PRKD1: variants seen among roughly 807,000 people sequenced by gnomAD.
The protein encoded by PRKD1 is protein kinase D1, also known as serine/threonine-protein kinase D1.
In PRKD1, 63 loss-of-function variants were observed where a neutral mutation model predicts 95.9. The observed-to-expected ratio is 0.66, with a 90% CI of 0.54 to 0.81. The LOEUF is 0.81. Ranked by LOEUF, PRKD1 falls within the 30% of genes least tolerant of loss-of-function variation. The pLI is 0.00. For synonymous variants in PRKD1, 425 were observed against 423.1 expected (o/e 1.00, Z -0.05); for missense variants, 1,048 against 1,165.3 (o/e 0.90, Z 1.47).
chr14:29,883,768 C>T (rs891539788), intron 1 of PRKD1, among the ~76,000 whole-genome samples: 3 of 151,996 alleles, frequency 2.0e-5, no homozygotes, highest in African/African-American at 7.3e-5. Context: ...CCAGAGACCC[C>T]CAAGATTGGA....
At chr14:29,832,848 G>A (rs1040460375) in intron 1 of PRKD1, among the ~76,000 whole-genome samples, 18 of 151,872 alleles carry the variant, frequency 1.2e-4, no homozygotes, top group Non-Finnish European at 2.4e-4. Context: ...TCCCAGTGAC[G>A]TACTAGTATA....
At chr14:29,693,034 T>C (rs1182687323) in intron 2 of PRKD1, among the ~76,000 whole-genome samples, 1 of 149,114 alleles carries the variant, frequency 6.7e-6, no homozygotes, top group Non-Finnish European at 1.5e-5. Context: ...GCGTGATGTA[T>C]TTTAAAATCT....
chr14:29,773,523 T>C (rs1442177472), intron 1 of PRKD1, among the ~76,000 whole-genome samples: 1 of 151,238 alleles, frequency 6.6e-6, no homozygotes, highest in Non-Finnish European at 1.5e-5. Context: ...GGTATACACA[T>C]ATGACTCTAC....
chr14:29,814,446 G>C (rs1890612459), intron 1 of PRKD1, among the ~76,000 whole-genome samples: 1 of 152,164 alleles, frequency 6.6e-6, no homozygotes, highest in Non-Finnish European at 1.5e-5. Context: ...CCCTAGTTCT[G>C]TTCCAACAGT....
intron 2 of PRKD1, among the ~76,000 whole-genome samples, chr14:29,717,270 G>C (rs1885656529): frequency 6.6e-6 from 1 of 152,104 alleles, no homozygotes; most frequent in African/African-American, 2.4e-5. Context: ...GAAATGTGTA[G>C]TGCAGTGGGG....
intron 1 of PRKD1, among the ~76,000 whole-genome samples, chr14:29,804,883 C>A (rs2139227520): frequency 6.6e-6 from 1 of 152,170 alleles, no homozygotes; most frequent in East Asian, 1.9e-4. Flanking sequence ...ATAACAATTA[C>A]ACCCAAGAGA....
chr14:29,606,778 T>C (rs55912007), intron 13 of PRKD1, among the ~76,000 whole-genome samples: 2 of 152,200 alleles, frequency 1.3e-5, no homozygotes, highest in Admixed American at 6.5e-5. Flanking sequence ...ATGACCACTG[T>C]ACCTCTTTTA....
At chr14:29,603,916 GT>G (rs1893611207) in intron 13 of PRKD1, among the ~76,000 whole-genome samples, 1 of 152,076 alleles carries the variant, frequency 6.6e-6, no homozygotes, top group Non-Finnish European at 1.5e-5. Context: ...AAAAAATAGT[GT>G]CCATTCACAC....
intron 1 of PRKD1, among the ~76,000 whole-genome samples, chr14:29,744,014 A>G (rs1025755212): frequency 6.6e-6 from 1 of 152,124 alleles, no homozygotes; most frequent in Admixed American, 6.5e-5. Context: ...CACTCTTCAG[A>G]AAGTTTATTT....
At chr14:29,665,939 A>C in intron 3 of PRKD1, 138 bp downstream of exon 3, 1 of 895,298 alleles carries the variant, frequency 1.1e-6, no homozygotes, top group Non-Finnish European at 1.6e-6. Flanking sequence ...ATATATGTAT[A>C]TATGTACCAC....
At chr14:29,837,494 C>T (rs1891656814) in intron 1 of PRKD1, among the ~76,000 whole-genome samples, 1 of 152,054 alleles carries the variant, frequency 6.6e-6, no homozygotes, top group South Asian at 2.1e-4. Flanking sequence ...GTAATCACAT[C>T]CATTTGTAAA....
rs1237857767 is a variant in PRKD1, at chr14:29,850,908, C to T, written c.264+76341G>A. 2.1e-5 allele frequency among the ~76,000 whole-genome samples: 3 copies of T among 145,796 alleles called. No individual in the cohort carries two copies. In the South Asian group the frequency reaches 6.5e-4, roughly 32 times the overall value. On this transcript the variant is annotated intron_variant, in intron 1 of 17. Transcript: ENST00000331968. ...GACAAAAAAAAATTAAAAAAAAAAA[C>T]CAATGGGACAGAATAGAGGACCCAG...
intron 13 of PRKD1, among the ~76,000 whole-genome samples, chr14:29,609,834 C>T (rs533680079): frequency 6.6e-6 from 1 of 150,950 alleles, no homozygotes; most frequent in South Asian, 2.1e-4. Context: ...GCTGAAATTA[C>T]AGGCATAAGC....
chr14:29,757,072 T>A (rs1236082005), intron 1 of PRKD1, among the ~76,000 whole-genome samples: 1 of 152,218 alleles, frequency 6.6e-6, no homozygotes, highest in Non-Finnish European at 1.5e-5. Context: ...AATTGTACTA[T>A]GGGTTAAATG....
intron 2 of PRKD1, among the ~76,000 whole-genome samples, chr14:29,681,469 A>C (rs1883537573): frequency 6.6e-6 from 1 of 152,140 alleles, no homozygotes; most frequent in South Asian, 2.1e-4. Flanking sequence ...ATGTGTTTCC[A>C]TAACTGAGAT....
At chr14:29,919,992 G>GAGAGAGAGAGAGA (rs200608178) in intron 1 of PRKD1, among the ~76,000 whole-genome samples, 60 of 146,452 alleles carry the variant, frequency 4.1e-4, no homozygotes, top group African/African-American at 1.5e-3. Flanking sequence ...GAGAAAGAGA[G>GAGAGAGAGAGAGA]GAAGGAAGGT....
intron 2 of PRKD1, among the ~76,000 whole-genome samples, chr14:29,680,937 A>G (rs1883506522): frequency 6.6e-6 from 1 of 152,222 alleles, no homozygotes; most frequent in East Asian, 1.9e-4. Flanking sequence ...AGGTAAAGAA[A>G]GAGGAAAGCC....
At chr14:29,659,632 T>C (rs1411684860) in intron 4 of PRKD1, among the ~76,000 whole-genome samples, 2 of 152,184 alleles carry the variant, frequency 1.3e-5, no homozygotes, top group East Asian at 1.9e-4. Context: ...CCAGTACTTG[T>C]TATTAACAGG....
intron 1 of PRKD1, among the ~76,000 whole-genome samples, chr14:29,841,215 TA>T (rs535236344): frequency 2.0e-3 from 301 of 152,332 alleles, no homozygotes; most frequent in African/African-American, 6.7e-3. Flanking sequence ...TTCATGACAA[TA>T]TGCTTGTCTC....
Sources: allele counts gnomAD v4.1 joint callset (sites outside exome capture counted in the v4.1 genomes callset), GRCh38; gene constraint gnomAD v4.1.1; transcripts MANE v1.5; gene names NCBI Gene and HGNC (gene_info 2026-07-23, HGNC 2026-07-21).